INPP5E: variants seen among roughly 807,000 people sequenced by gnomAD.
The protein encoded by INPP5E is inositol polyphosphate-5-phosphatase E.
INPP5E carries 34 observed loss-of-function variants against 50.5 expected under a neutral mutation model. That is an observed-to-expected ratio of 0.67 (90% CI 0.51 to 0.90). The LOEUF (loss-of-function observed/expected upper bound fraction) is 0.90, where lower values mean the gene tolerates loss of function less well. Among genes scored for constraint, INPP5E ranks in the 40% least tolerant of loss-of-function variants. The probability of loss-of-function intolerance (pLI) is 0.00; values close to 1 mark genes in which losing one functional copy is unlikely to be tolerated. For missense variants in INPP5E, 942 were observed against 905.5 expected (o/e 1.04, Z -0.52); for synonymous variants, 447 against 406.0 (o/e 1.10, Z -1.21).
intron 1 of INPP5E, 65 bp downstream of exon 1, chr9:136,438,543 G>A (rs1835888360): frequency 7.2e-7 from 1 of 1,382,086 alleles, no homozygotes; most frequent in African/African-American, 1.4e-5. Flanking sequence ...GTCTCACGAG[G>A]TTCCAGCAGC....
At chr9:136,437,254 A>G (rs549426588) in intron 1 of INPP5E, 3 of 152,398 alleles carry the variant, frequency 2.0e-5, no homozygotes, top group South Asian at 4.1e-4. Context: ...TGAGCTGAAC[A>G]GTGATCCCCA....
In INPP5E at chr9:136,430,145, G is replaced by T. The variant is rs73670263; in HGVS notation, c.1802+132C>A. ...CTCCAGGATGAGTCCAACCGATCCCGGGGAACACAGCCCTGAAGGTCCCAG... is the reference window on the plus strand; with the variant it reads ...CTCCAGGATGAGTCCAACCGATCCCTGGGAACACAGCCCTGAAGGTCCCAG... On this transcript the variant is annotated intron_variant, in intron 9 of 9. Coordinates refer to ENST00000371712, the MANE Select transcript of INPP5E (RefSeq NM_019892.6). 4.1e-6 allele frequency: 5 copies of T among 1,211,634 alleles called. No individual in the cohort carries two copies. In the Admixed American group the frequency reaches 8.5e-5, roughly 21 times the overall value. The allele number at this position is 1,211,634 out of a possible 1,614,324, so 75.1% of individuals were successfully genotyped here.
In INPP5E at chr9:136,439,203, G is replaced by A. The variant is rs779841260; in HGVS notation, c.217C>T (p.Arg73Trp). 6.8e-5 allele frequency: 105 copies of A among 1,540,576 alleles called. No homozygotes were observed. In the Admixed American group the frequency reaches 1.8e-3, roughly 26 times the overall value. Residue 73 changes from arginine (R) to tryptophan (W), a missense_variant, in exon 1 of 10, where the codon CGG (arginine) becomes TGG (tryptophan). By Grantham distance (101) the Arg-to-Trp change is moderately radical (BLOSUM62 -3). Coordinates refer to ENST00000371712, the MANE Select transcript of INPP5E (RefSeq NM_019892.6). Reference sequence around the variant, plus strand: ...TCCAGTCGAGGCCTGGCGGGGGGCCGCGGGGCGATGGGTGCTGCTCGGGCT... The same window carrying A: ...TCCAGTCGAGGCCTGGCGGGGGGCCACGGGGCGATGGGTGCTGCTCGGGCT... ...PPARAAPIAP[R>W]PPARPRLERA...
In INPP5E at chr9:136,434,827, G is replaced by C. The variant is rs1835795180; in HGVS notation, c.849C>G (p.Ala283=). Residue 283 remains alanine (A), a synonymous_variant, in exon 2 of 10, where the codon GCC becomes GCG. Transcript: ENST00000371712. ...GGGCCAGCTCATCCGCCCCCAACAG[G>C]GCCCCGCTGGCCAGGAGGCTGCCCT... ...YLEGSLLASG[A]LLGADELARY... 4 of 1,609,892 alleles carry C rather than the reference G, an allele frequency of 2.5e-6. No homozygotes were observed. Among genetic ancestry groups the C allele is most frequent in the Non-Finnish European group, 3.4e-6 (4 of 1,179,052 alleles).
intron 3 of INPP5E, among the ~76,000 whole-genome samples, chr9:136,433,571 T>C (rs552198661): frequency 4.0e-5 from 6 of 151,824 alleles, no homozygotes; most frequent in Admixed American, 3.9e-4. Flanking sequence ...GGGGCCCACC[T>C]CAACTCCTTC....
At position 136,431,870 on chromosome 9, in the gene INPP5E, C is replaced by T. The variant is rs1006092034; in HGVS notation, c.1503G>A (p.Val501=). The change falls in exon 7 of 10, where the codon GTG becomes GTA. Residue 501 remains valine (V), a synonymous_variant. Coordinates refer to ENST00000371712, the MANE Select transcript of INPP5E (RefSeq NM_019892.6). ...ALLCQGLVVD[V]PALLQHDQLI... is the part of the protein sequence containing the mutation. ...GCTGGTCGTGCTGCAGCAGCGCCGG[C>T]ACGTCCACCACCAGGCCCTGGCACA... 2.5e-6 allele frequency: 4 copies of T among 1,609,766 alleles called. No individual in the cohort carries two copies. The highest frequency in any genetic ancestry group is 3.4e-5 in the Admixed American group (2 of 59,658).
intron 3 of INPP5E, among the ~76,000 whole-genome samples, chr9:136,433,786 G>A (rs912576575): frequency 2.6e-5 from 4 of 152,254 alleles, no homozygotes; most frequent in East Asian, 3.8e-4. Context: ...ACCCAGGCGT[G>A]GAGGCTGCCC....
intron 1 of INPP5E, 81 bp downstream of exon 1, chr9:136,438,527 G>C (rs750017689): frequency 2.7e-5 from 33 of 1,242,140 alleles, no homozygotes; most frequent in Non-Finnish European, 3.6e-5. Context: ...GCTGCTGATG[G>C]GAACGGTCTC....
chr9:136,429,582 C>T lies in INPP5E; in HGVS notation c.*93G>A, dbSNP rs1374329129. 1 of 1,533,094 alleles carries T rather than the reference C, an allele frequency of 6.5e-7. No individual in the cohort carries two copies. The highest frequency in any genetic ancestry group is 8.9e-7 in the Non-Finnish European group (1 of 1,117,912). The allele number at this position is 1,533,094 out of a possible 1,614,324, so 95.0% of individuals were successfully genotyped here. A position where few individuals can be genotyped will look rare whatever the true frequency, so the allele number is the denominator to read the frequency against. On this transcript the variant is annotated 3_prime_UTR_variant, in exon 10 of 10. Coordinates refer to ENST00000371712, the MANE Select transcript of INPP5E (RefSeq NM_019892.6). The stretch of plus-strand genomic sequence containing the variant: ...GCACGGTCGCCACAGTCCCTCGGAT[C>T]CCCGAAAGGCGGCAAACTCTTTGTC...
At chr9:136,437,212 C>T (rs979829524) in intron 1 of INPP5E, 8 of 152,250 alleles carry the variant, frequency 5.3e-5, no homozygotes, top group Admixed American at 2.6e-4. Context: ...ACCACAGACG[C>T]GGGGAAGTGA....
At chr9:136,432,372 G>C in intron 6 of INPP5E, 107 bp downstream of exon 6, 1 of 780,128 alleles carries the variant, frequency 1.3e-6, no homozygotes. Flanking sequence ...TTCGGCCCTC[G>C]CTTCCCAAAG....
At position 136,439,526 on chromosome 9, in the gene INPP5E, T is replaced by C; in HGVS notation, c.-107A>G. 1.3e-6 allele frequency: 1 copy of C among 785,290 alleles called. No homozygotes were observed. Among genetic ancestry groups the C allele is most frequent in the African/African-American group, 1.8e-5 (1 of 54,206 alleles). The allele number at this position is 785,290 out of a possible 1,614,324, so 48.6% of individuals were successfully genotyped here. ...GCGCAGCGAGGAGCAGAAACGCCGC[T>C]GCGGCTCCCGCTTGGGCCGGGGATG... On this transcript the variant is annotated 5_prime_UTR_variant, in exon 1 of 10. Transcript: ENST00000371712.
rs1835635640 is a variant in INPP5E at position 136,428,971 on chromosome 9, A to ACGG, written c.*703_*704insCCG. 1.3e-5 allele frequency: 2 copies of ACGG among 152,654 alleles called. No individual in the cohort carries two copies. The highest frequency in any genetic ancestry group is 2.0e-4 in the South Asian group (1 of 4,918). 9.5% of individuals were successfully genotyped at this position (152,654 alleles called of 1,614,324 possible). A position where few individuals can be genotyped will look rare whatever the true frequency, so the allele number is the denominator to read the frequency against. ...TGGTCTACGTCACCAAGACCATGAGATGGTTTCACACAATAGGCTTGGCCT... is the reference window on the plus strand; with the variant it reads ...TGGTCTACGTCACCAAGACCATGAGACGGTGGTTTCACACAATAGGCTTGGCCT... On this transcript the variant is annotated 3_prime_UTR_variant, in exon 10 of 10. Coordinates refer to ENST00000371712, the MANE Select transcript of INPP5E (RefSeq NM_019892.6).
chr9:136,434,122 T>G lies in INPP5E; in HGVS notation c.949A>C (p.Ser317Arg). ...NMQGQKELPP[S>R]LDEFLLPAEA... ...GCTGGGAGCAGGAACTCGTCCAGGCTGGGCGGGAGCTCCTGGAAGGAGGGA... is the reference window on the plus strand; with the variant it reads ...GCTGGGAGCAGGAACTCGTCCAGGCGGGGCGGGAGCTCCTGGAAGGAGGGA... Residue 317 changes from serine to arginine, a missense_variant, in exon 3 of 10, where the codon AGC (serine) becomes CGC (arginine). Physicochemically the swap from Ser to Arg is moderately radical, Grantham distance 110 (BLOSUM62 -1). Transcript: ENST00000371712. The G allele has an allele frequency of 6.2e-7, 1 of 1,608,092 alleles. No homozygotes were observed. Among genetic ancestry groups the G allele is most frequent in the Non-Finnish European group, 8.5e-7 (1 of 1,178,742 alleles).
intron 6 of INPP5E, among the ~76,000 whole-genome samples, chr9:136,432,269 G>C (rs558255455): frequency 1.3e-4 from 20 of 152,332 alleles, no homozygotes; most frequent in African/African-American, 3.8e-4. Flanking sequence ...CCAGGACCCA[G>C]GCTAGTGGGC....
Position 136,438,990 on chromosome 9 carries a change from G to C in INPP5E, c.430C>G (p.Arg144Gly), listed in dbSNP as rs1479443394. 4.4e-5 allele frequency: 69 copies of C among 1,585,508 alleles called. No individual in the cohort carries two copies. In the Admixed American group the frequency reaches 1.2e-3, roughly 28 times the overall value. ...STSLQEIPKS[R>G]GVLSSERGSP... Reference sequence around the variant, plus strand: ...CCTCTCTCACTGCTCAGGACCCCGCGGGACTTGGGGATTTCCTGCAAGGAG... The same window carrying C: ...CCTCTCTCACTGCTCAGGACCCCGCCGGACTTGGGGATTTCCTGCAAGGAG... Residue 144 changes from arginine (R) to glycine (G), a missense_variant, in exon 1 of 10, where the codon CGC becomes GGC. Physicochemically the swap from Arg to Gly is moderately radical, Grantham distance 125 (BLOSUM62 -2). Transcript: ENST00000371712.
chr9:136,432,808 C>G (rs949958398), intron 5 of INPP5E, 148 bp downstream of exon 5: 1 of 1,123,762 alleles, frequency 8.9e-7, no homozygotes, highest in South Asian at 1.3e-5. Flanking sequence ...GGGTCCTTGG[C>G]GTGCATCTTA....
At chr9:136,430,862 T>G (rs1005414067) in intron 8 of INPP5E, 140 bp downstream of exon 8, 1 of 698,746 alleles carries the variant, frequency 1.4e-6, no homozygotes, top group African/African-American at 1.8e-5. Context: ...AAAGGGGACT[T>G]GCCACAAGGC....
In INPP5E at chr9:136,432,708, T is replaced by C. The variant is rs1418465106; in HGVS notation, c.1280-122A>G. The C allele has an allele frequency of 7.8e-6, 7 of 894,062 alleles. No individual in the cohort carries two copies. The East Asian group carries it at 1.6e-4, about 20-fold the overall frequency. 55.4% of individuals were successfully genotyped at this position (894,062 alleles called of 1,614,324 possible). The stretch of plus-strand genomic sequence containing the variant: ...CCGGCAGACGCAACCCCACCGGGCA[T>C]CCGCTGCCGGGCCCAGCCAGTGACA... On this transcript the variant is annotated intron_variant, in intron 5 of 9. Coordinates refer to ENST00000371712, the MANE Select transcript of INPP5E (RefSeq NM_019892.6).
Sources: gnomAD v4.1 joint callset for allele counts (sites outside exome capture counted in the v4.1 genomes callset) on GRCh38, gnomAD v4.1.1 for gene constraint, MANE v1.5 for transcripts, NCBI Gene and HGNC (gene_info 2026-07-23, HGNC 2026-07-21) for gene names.